RNF125: variants seen among roughly 807,000 people sequenced by gnomAD.
RNF125 encodes the protein ring finger protein 125, also known as E3 ubiquitin-protein ligase RNF125.
RNF125 carries 21 observed loss-of-function variants against 26.0 expected under a neutral mutation model. The observed-to-expected ratio is 0.81, with a 90% CI of 0.57 to 1.16. The LOEUF is 1.16. Ranked by LOEUF, RNF125 falls within the 50% of genes most tolerant of loss-of-function variation. The pLI is 0.00. For missense variants in RNF125, 270 were observed against 299.4 expected, an observed-to-expected ratio of 0.90 and a Z score of 0.72; for synonymous variants, 95 against 109.2, an observed-to-expected ratio of 0.87 and a Z score of 0.81.
chr18:32,077,778 T>A (rs1040424881), downstream of RNF125, among the ~76,000 whole-genome samples: 3 of 151,852 alleles, frequency 2.0e-5, no homozygotes, highest in African/African-American at 7.3e-5. Flanking sequence ...TCTGGCATAG[T>A]GTAACCTCTA....
At chr18:32,075,693 C>CAAAAA (rs759960735), downstream of RNF125, among the ~76,000 whole-genome samples, 4 of 92,136 alleles carry the variant, frequency 4.3e-5, no homozygotes, top group East Asian at 3.4e-4. Flanking sequence ...AACTCCATCT[C>CAAAAA]AAAAAAAAAA....
At chr18:32,025,612 C>T (rs186731557) in intron 1 of RNF125, among the ~76,000 whole-genome samples, 40 of 141,410 alleles carry the variant, frequency 2.8e-4, no homozygotes, top group Admixed American at 3.8e-4. Context: ...TTGCAATAGC[C>T]GAGATGGCGC....
At chr18:32,061,838 AT>A (rs1412789719) in intron 4 of RNF125, among the ~76,000 whole-genome samples, 4 of 152,374 alleles carry the variant, frequency 2.6e-5, no homozygotes, top group African/African-American at 7.2e-5. Flanking sequence ...GACTGAGCTA[AT>A]ATAATGACTG....
intron 4 of RNF125, among the ~76,000 whole-genome samples, chr18:32,063,684 C>T (rs1278525253): frequency 1.3e-5 from 2 of 151,990 alleles, no homozygotes; most frequent in Admixed American, 6.6e-5. Context: ...ATGCCCTTTA[C>T]AAAATAAATG....
chr18:32,033,525 A>G (rs773301997), intron 1 of RNF125, among the ~76,000 whole-genome samples: 7,325 of 26,466 alleles, frequency 0.28, 311 homozygotes, highest in African/African-American at 0.42. Flanking sequence ...ACTCCACCTC[A>G]AAAAAAAAAA....
chr18:32,045,104 C>T lies in RNF125; in HGVS notation c.414-538C>T, dbSNP rs576391543. Among the ~76,000 whole-genome samples, 232 of 145,902 alleles carry T rather than the reference C, an allele frequency of 1.6e-3. 1 individual carries two copies. Among genetic ancestry groups the T allele is most frequent in the Non-Finnish European group, 2.7e-3 (178 of 66,840 alleles). ...CTGCACTCCAGCCTGGGTAACAGAG[C>T]GAGACTCCCTCTCCAAAAAAAAAAA... On this transcript the variant is annotated intron_variant, in intron 3 of 5. Coordinates refer to ENST00000217740, the MANE Select transcript of RNF125 (RefSeq NM_017831.4).
chr18:32,045,915 A>AATCACTCATTT (rs1375273649), intron 4 of RNF125, among the ~76,000 whole-genome samples, 183 bp downstream of exon 4: 112 of 152,262 alleles, frequency 7.4e-4, no homozygotes, highest in African/African-American at 2.1e-3. Context: ...AAGAACGACT[A>AATCACTCATTT]ATGTGTAATC....
Position 32,068,678 on chromosome 18 carries a change from C to A in RNF125, c.*294C>A. The A allele has an allele frequency of 6.8e-6, 2 of 293,838 alleles. No homozygotes were observed. Among genetic ancestry groups the A allele is most frequent in the Non-Finnish European group, 1.3e-5 (2 of 154,264 alleles). 18.2% of individuals were successfully genotyped at this position (293,838 alleles called of 1,614,324 possible). On this transcript the variant is annotated 3_prime_UTR_variant, in exon 6 of 6. Transcript: ENST00000217740. ...CAAGTAGGTGGAGGATCTCGGTTTG[C>A]AAATTAGATAATACTCTGTGTATAA...
rs2039540307 is a variant in RNF125, at chr18:32,072,237, G to A, written c.*3853G>A. ...ATAATTAAATATAAATAAAAATAAA[G>A]CAAAATCTGTTGGGAAACGAGAAAA... On this transcript the variant is annotated 3_prime_UTR_variant, in exon 6 of 6. Coordinates refer to ENST00000217740, the MANE Select transcript of RNF125 (RefSeq NM_017831.4). 6.6e-6 allele frequency: 1 copy of A among 151,860 alleles called. No individual in the cohort carries two copies. The highest frequency in any genetic ancestry group is 1.5e-5 in the Non-Finnish European group (1 of 67,988). The allele number at this position is 151,860 out of a possible 1,614,324, so 9.4% of individuals were successfully genotyped here.
chr18:32,042,919 C>A (rs551929596), intron 3 of RNF125, among the ~76,000 whole-genome samples: 2 of 151,602 alleles, frequency 1.3e-5, no homozygotes, highest in Admixed American at 6.6e-5. Flanking sequence ...GAGGCTGAGA[C>A]GGGCAGATCA....
At chr18:32,033,637 A>G (rs1487843650) in intron 1 of RNF125, among the ~76,000 whole-genome samples, 1 of 152,008 alleles carries the variant, frequency 6.6e-6, no homozygotes. Context: ...CCTGACCAAC[A>G]TGGAGAAAAC....
At chr18:32,022,091 C>G (rs2038991717) in intron 1 of RNF125, among the ~76,000 whole-genome samples, 1 of 152,172 alleles carries the variant, frequency 6.6e-6, no homozygotes, top group African/African-American at 2.4e-5. Flanking sequence ...ATGAATTACT[C>G]TTTTCCATTG....
At chr18:32,065,660 G>C (rs1261464409) in intron 4 of RNF125, among the ~76,000 whole-genome samples, 1 of 152,126 alleles carries the variant, frequency 6.6e-6, no homozygotes, top group Non-Finnish European at 1.5e-5. Context: ...AGTCTCCCGA[G>C]TAGCTGGGAC....
At chr18:32,042,326 A>C in intron 3 of RNF125, 53 bp downstream of exon 3, 1 of 1,125,722 alleles carries the variant, frequency 8.9e-7, no homozygotes, top group Non-Finnish European at 1.3e-6. Flanking sequence ...GTTTATAAAG[A>C]ATTTAATGGG....
chr18:32,051,596 CA>C (rs1271237477), intron 4 of RNF125, among the ~76,000 whole-genome samples: 1 of 102,054 alleles, frequency 9.8e-6, no homozygotes, highest in Non-Finnish European at 1.8e-5. Flanking sequence ...GCCTGGGCGA[CA>C]AGAGCAAGAC....
At position 32,070,889 on chromosome 18, in the gene RNF125, A is replaced by G. The variant is rs2039527963; in HGVS notation, c.*2505A>G. ...CCTGCTAATTTTGTATTTTTAGTAG[A>G]GTCAGGATTTCTCCACATTGGTCAG... On this transcript the variant is annotated 3_prime_UTR_variant, in exon 6 of 6. Coordinates refer to ENST00000217740, the MANE Select transcript of RNF125 (RefSeq NM_017831.4). 6.6e-6 allele frequency: 1 copy of G among 151,818 alleles called. No homozygotes were observed. Among genetic ancestry groups the G allele is most frequent in the Non-Finnish European group, 1.5e-5 (1 of 67,996 alleles). 9.4% of individuals were successfully genotyped at this position (151,818 alleles called of 1,614,324 possible).
chr18:32,066,638 A>G (rs1287820918), intron 5 of RNF125, among the ~76,000 whole-genome samples: 1 of 152,238 alleles, frequency 6.6e-6, no homozygotes, highest in Non-Finnish European at 1.5e-5. Flanking sequence ...GCGACCTTGC[A>G]GAAGGTATTT....
chr18:32,079,818 G>T, the RNF125 span, among the ~76,000 whole-genome samples: 1 of 152,144 alleles, frequency 6.6e-6, no homozygotes, highest in Non-Finnish European at 1.5e-5. Context: ...TATAGGAGAA[G>T]CGGTATTATT....
At chr18:32,055,067 T>G (rs2039366762) in intron 4 of RNF125, among the ~76,000 whole-genome samples, 1 of 151,986 alleles carries the variant, frequency 6.6e-6, no homozygotes, top group African/African-American at 2.4e-5. Flanking sequence ...GAGGCCGAGC[T>G]GGGGGAATTG....
Sources: allele counts gnomAD v4.1 joint callset (sites outside exome capture counted in the v4.1 genomes callset), GRCh38; gene constraint gnomAD v4.1.1; transcripts MANE v1.5; gene names NCBI Gene and HGNC (gene_info 2026-07-23, HGNC 2026-07-21).